Variants in FLT1 observed in about 807,000 individuals in gnomAD.
The protein encoded by FLT1 is fms related receptor tyrosine kinase 1, also known as vascular endothelial growth factor receptor 1.
A neutral mutation model predicts 156.3 loss-of-function variants in FLT1; 49 were observed. That is an observed-to-expected ratio of 0.31 (90% CI 0.25 to 0.40). The LOEUF is 0.40. FLT1 is among the 10% of genes least tolerant of loss of function. FLT1 has a pLI of 1.00. For synonymous variants in FLT1, 594 were observed against 583.8 expected (o/e 1.02, Z -0.25); for missense variants, 1,322 against 1,637.2 (o/e 0.81, Z 3.32).
intron 3 of FLT1, among the ~76,000 whole-genome samples, chr13:28,448,122 G>C (rs1878720630): frequency 6.6e-6 from 1 of 152,188 alleles, no homozygotes; most frequent in Non-Finnish European, 1.5e-5. Context: ...TGTTGGCAAG[G>C]ATGTGGAGCA....
chr13:28,353,679 G>A (rs956970160), intron 15 of FLT1, among the ~76,000 whole-genome samples: 12 of 152,026 alleles, frequency 7.9e-5, no homozygotes, highest in African/African-American at 2.9e-4. Context: ...GCCCCATTGA[G>A]TTCCAGGGCT....
At chr13:28,349,447 CACACACACACACAT>C (rs1228736856) in intron 15 of FLT1, among the ~76,000 whole-genome samples, 89 of 150,718 alleles carry the variant, frequency 5.9e-4, no homozygotes, top group African/African-American at 1.0e-3. Context: ...CACACACACA[CACACACACACACAT>C]GCGCACACGC....
rs1879064566 is a variant in FLT1 at position 28,453,097 on chromosome 13, CTT to C, written c.388+13804_388+13805del. 4.5e-4 allele frequency among the ~76,000 whole-genome samples: 28 copies of C among 62,370 alleles called. 2 individuals are homozygous for C. Among genetic ancestry groups the C allele is most frequent in the South Asian group, 8.0e-4 (1 of 1,246 alleles). 40.9% of individuals were successfully genotyped at this position (62,370 alleles called of 152,430 possible). A position where few individuals can be genotyped will look rare whatever the true frequency, so the allele number is the denominator to read the frequency against. On this transcript the variant is annotated intron_variant, in intron 3 of 29. Coordinates refer to ENST00000282397, the MANE Select transcript of FLT1 (RefSeq NM_002019.4). ...CTTTCCTTTCCTTTCCTTTCCTTTC[CTT>C]TCCTTTCCTTTCCTTTCCTTTCCTT...
At chr13:28,359,979 C>T (rs1333724714) in intron 14 of FLT1, among the ~76,000 whole-genome samples, 2 of 151,914 alleles carry the variant, frequency 1.3e-5, no homozygotes, top group African/African-American at 2.4e-5. Flanking sequence ...GGTGTGGTGG[C>T]GAATGCCTGT....
At chr13:28,473,952 A>T (rs896339707) in intron 1 of FLT1, among the ~76,000 whole-genome samples, 1 of 152,182 alleles carries the variant, frequency 6.6e-6, no homozygotes, top group African/African-American at 2.4e-5. Context: ...AGGAATGCTG[A>T]TATGTGCTGC....
intron 18 of FLT1, among the ~76,000 whole-genome samples, chr13:28,329,997 C>T (rs891947820): frequency 2.0e-5 from 3 of 152,244 alleles, no homozygotes; most frequent in African/African-American, 4.8e-5. Flanking sequence ...TTCAGCAATG[C>T]GCTGACTCAG....
At chr13:28,491,932 A>G (rs1881493509) in intron 1 of FLT1, among the ~76,000 whole-genome samples, 1 of 152,252 alleles carries the variant, frequency 6.6e-6, no homozygotes, top group South Asian at 2.1e-4. Flanking sequence ...AAAATGTAAC[A>G]AAGTGCTAAA....
intron 14 of FLT1, among the ~76,000 whole-genome samples, chr13:28,375,598 T>C (rs1873806962): frequency 6.6e-6 from 1 of 152,248 alleles, no homozygotes; most frequent in Non-Finnish European, 1.5e-5. Context: ...TTCTGCAACA[T>C]AGTCCTGGCA....
chr13:28,435,020 T>C lies in FLT1; in HGVS notation c.514-800A>G, dbSNP rs534067291. On this transcript the variant is annotated intron_variant, in intron 4 of 29. Coordinates refer to ENST00000282397, the MANE Select transcript of FLT1 (RefSeq NM_002019.4). ...TTGCATAGTTTACTGAAGAAGTGGC[T>C]GTCTTCAAAAGAGTGTAAATAATTC... is the stretch of plus-strand genomic sequence containing the variant. 6.6e-5 allele frequency among the ~76,000 whole-genome samples: 10 copies of C among 152,334 alleles called. No individual in the cohort carries two copies. The South Asian group carries it at 2.1e-3, about 32-fold the overall frequency.
chr13:28,419,768 A>G (rs1046599480), intron 10 of FLT1, among the ~76,000 whole-genome samples: 3 of 152,210 alleles, frequency 2.0e-5, no homozygotes, highest in Non-Finnish European at 4.4e-5. Flanking sequence ...AGTCCCAGCT[A>G]CTTGGGAGGC....
chr13:28,491,357 A>T (rs1032830323), intron 1 of FLT1, among the ~76,000 whole-genome samples: 1 of 152,210 alleles, frequency 6.6e-6, no homozygotes, highest in Non-Finnish European at 1.5e-5. Context: ...GAATAAAGCC[A>T]TTCTGTTAAT....
In FLT1 at chr13:28,398,928, G is replaced by A. The variant is rs568806663; in HGVS notation, c.1552-1860C>T. ...GCAAATAATCCATGGGAAAGTGTACGAAAGAGAGCTCAGGTGTCCCTTTTC... is the reference window on the plus strand; with the variant it reads ...GCAAATAATCCATGGGAAAGTGTACAAAAGAGAGCTCAGGTGTCCCTTTTC... On this transcript the variant is annotated intron_variant, in intron 11 of 29. Coordinates refer to ENST00000282397, the MANE Select transcript of FLT1 (RefSeq NM_002019.4). 45 of 738,950 alleles carry A rather than the reference G, an allele frequency of 6.1e-5. 1 individual carries two copies. The South Asian group carries it at 6.7e-4, about 11-fold the overall frequency. The allele number at this position is 738,950 out of a possible 1,614,324, so 45.8% of individuals were successfully genotyped here. A position where few individuals can be genotyped will look rare whatever the true frequency, so the allele number is the denominator to read the frequency against.
In FLT1 at chr13:28,378,962, A is replaced by G. The variant is rs75134237; in HGVS notation, c.2116+5923T>C. ...CAGAGAACAATGAAGTGATGTGCTC[A>G]ATGACATGAGTTGTAAATAAACCTA... On this transcript the variant is annotated intron_variant, in intron 14 of 29. Coordinates refer to ENST00000282397, the MANE Select transcript of FLT1 (RefSeq NM_002019.4). 8.1e-3 allele frequency among the ~76,000 whole-genome samples: 1,236 copies of G among 152,324 alleles called. 13 individuals are homozygous for G. Among genetic ancestry groups the G allele is most frequent in the African/African-American group, 0.028 (1,163 of 41,574 alleles).
At chr13:28,477,051 A>G (rs1486232068) in intron 1 of FLT1, among the ~76,000 whole-genome samples, 3 of 152,202 alleles carry the variant, frequency 2.0e-5, no homozygotes, top group Non-Finnish European at 4.4e-5. Flanking sequence ...AAAGTTATTT[A>G]CACGGAAAAA....
intron 14 of FLT1, among the ~76,000 whole-genome samples, chr13:28,372,048 GTATATATATATA>G (rs1169072431): frequency 5.4e-4 from 41 of 75,570 alleles, no homozygotes; most frequent in Non-Finnish European, 7.1e-4. Flanking sequence ...GTGTGTGTGT[GTATATATATATA>G]TATATATATA....
At chr13:28,378,643 G>A (rs567219963) in intron 14 of FLT1, among the ~76,000 whole-genome samples, 4 of 152,186 alleles carry the variant, frequency 2.6e-5, no homozygotes, top group East Asian at 1.9e-4. Context: ...TCTGTAAAAC[G>A]GTCAGAATCA....
At chr13:28,394,970 T>C (rs1383738185) in intron 12 of FLT1, among the ~76,000 whole-genome samples, 1 of 152,106 alleles carries the variant, frequency 6.6e-6, no homozygotes, top group East Asian at 1.9e-4. Context: ...GGGGAGAGCT[T>C]AGATGTGTGG....
chr13:28,374,013 G>C (rs1426132791), intron 14 of FLT1, among the ~76,000 whole-genome samples: 3 of 152,124 alleles, frequency 2.0e-5, no homozygotes, highest in Non-Finnish European at 4.4e-5. Flanking sequence ...AGAATCAAAA[G>C]AGGAGGTTAA....
At chr13:28,325,093 C>T (rs1018413167) in intron 20 of FLT1, among the ~76,000 whole-genome samples, 4 of 152,052 alleles carry the variant, frequency 2.6e-5, no homozygotes, top group Non-Finnish European at 4.4e-5. Flanking sequence ...ATGGATTTTC[C>T]ACAAAAACAC....
Sources: allele counts gnomAD v4.1 joint callset (sites outside exome capture counted in the v4.1 genomes callset), GRCh38; gene constraint gnomAD v4.1.1; transcripts MANE v1.5; gene names NCBI Gene and HGNC (gene_info 2026-07-23, HGNC 2026-07-21).